The following NELFB variants were observed in gnomAD, a reference collection of about 807,000 sequenced individuals.
The protein encoded by NELFB is negative elongation factor B.
NELFB carries 34 observed loss-of-function variants against 60.2 expected under a neutral mutation model. The ratio of observed to expected loss-of-function variants is 0.56; its 90% CI spans 0.43 to 0.75. NELFB has a LOEUF of 0.75. NELFB is among the 30% of genes least tolerant of loss of function. NELFB has a pLI of 0.00. For missense variants in NELFB, 770 were observed against 831.6 expected (o/e 0.93, Z 0.91); for synonymous variants, 459 against 382.1 (o/e 1.20, Z -2.35).
At chr9:137,261,357 G>GAA (rs1830441335) in intron 4 of NELFB, among the ~76,000 whole-genome samples, 3 of 119,592 alleles carry the variant, frequency 2.5e-5, no homozygotes, top group Non-Finnish European at 3.4e-5. Flanking sequence ...AAAAAAAAAA[G>GAA]TAAAAAAAAA....
At chr9:137,272,253 C>G in intron 11 of NELFB, 31 bp downstream of exon 11, 6 of 1,611,380 alleles carry the variant, frequency 3.7e-6, no homozygotes, top group South Asian at 1.1e-5. Context: ...CCGGCCCGCT[C>G]TGTCCTCTCA....
In NELFB at chr9:137,255,549, G is replaced by A; in HGVS notation, c.184G>A (p.Glu62Lys). Reference sequence around the variant, plus strand: ...GCAGGACCTGGGCGTGGCCAACGGCGAGGACCTGAAGGAGACCCTGACCAA... The same window carrying A: ...GCAGGACCTGGGCGTGGCCAACGGCAAGGACCTGAAGGAGACCCTGACCAA... The change falls in exon 1 of 13, where the codon GAG becomes AAG. Residue 62 changes from glutamate (E) to lysine (K), a missense_variant. Glu to Lys is a moderately conservative substitution (Grantham distance 56, BLOSUM62 1). Transcript: ENST00000343053. 6.5e-7 allele frequency: 1 copy of A among 1,547,914 alleles called. No homozygotes were observed. The highest frequency in any genetic ancestry group is 8.7e-7 in the Non-Finnish European group (1 of 1,146,434).
rs1002153825 is a variant in NELFB, at chr9:137,272,714, G to A, written c.1741-68G>A. On this transcript the variant is annotated intron_variant, in intron 12 of 12. Transcript: ENST00000343053. ...TGTGGTGCTTGTGTGTGGTCGGTGG[G>A]CACCCACCCCTGTGCCCCCTGGGCC... 10 of 1,520,572 alleles carry A rather than the reference G, an allele frequency of 6.6e-6. No individual in the cohort carries two copies. In the South Asian group the frequency reaches 1.2e-4, roughly 19 times the overall value. 94.2% of individuals were successfully genotyped at this position (1,520,572 alleles called of 1,614,324 possible).
intron 8 of NELFB, 109 bp downstream of exon 8, chr9:137,266,535 C>T: frequency 1.1e-6 from 1 of 942,630 alleles, no homozygotes; most frequent in South Asian, 1.6e-5. Context: ...CCTTTGGTCC[C>T]AAAGCTTCCT....
rs1378388966 is a variant in NELFB, at chr9:137,263,227, C to G, written c.927+5C>G. 1 of 1,604,070 alleles carries G rather than the reference C, an allele frequency of 6.2e-7. No individual in the cohort carries two copies. Among genetic ancestry groups the G allele is most frequent in the Non-Finnish European group, 8.5e-7 (1 of 1,174,118 alleles). On this transcript the variant is annotated splice_donor_5th_base_variant and intron_variant, in intron 5 of 12. Coordinates refer to ENST00000343053, the MANE Select transcript of NELFB (RefSeq NM_015456.5). ...ACCGTGGACCCGTGCCACAAGGTAG[C>G]ACTGCCCTCCCTCCTTCCCCCCTAC...
intron 8 of NELFB, 106 bp from the exon 9 acceptor site, chr9:137,266,838 A>G (rs1588188896): frequency 1.6e-6 from 2 of 1,243,798 alleles, no homozygotes; most frequent in South Asian, 2.7e-5. Flanking sequence ...AGGGTCGGTG[A>G]GGTATCTGGG....
chr9:137,273,065 C>A lies in NELFB; in HGVS notation c.*137C>A. The A allele has an allele frequency of 2.1e-6, 2 of 965,664 alleles. No homozygotes were observed. The highest frequency in any genetic ancestry group is 1.7e-5 in the African/African-American group (1 of 59,710). The allele number at this position is 965,664 out of a possible 1,614,324, so 59.8% of individuals were successfully genotyped here. A position where few individuals can be genotyped will look rare whatever the true frequency, so the allele number is the denominator to read the frequency against. ...GGCTGGGCCTGTCCTGCCGTCATGG[C>A]CCCCTGCTTCCTGCTCCTTGGAGCT... On this transcript the variant is annotated 3_prime_UTR_variant, in exon 13 of 13. Transcript: ENST00000343053.
chr9:137,265,217 C>T (rs1012694246), intron 6 of NELFB, among the ~76,000 whole-genome samples: 3 of 151,184 alleles, frequency 2.0e-5, no homozygotes, highest in Non-Finnish European at 3.0e-5. Context: ...GATGGGATTT[C>T]ACCACCTCGC....
chr9:137,255,939 G>C lies in NELFB; in HGVS notation c.279G>C (p.Gln93His). ...ATGGTGTGCTGCTGCCATCTCTTCA[G>C]TCAGCCCTCCCCTTCTTGGACCTGC... Residue 93 changes from glutamine to histidine, a missense_variant, in exon 2 of 13, where the codon CAG (glutamine) becomes CAC (histidine). By Grantham distance (24) the Gln-to-His change is conservative. Coordinates refer to ENST00000343053, the MANE Select transcript of NELFB (RefSeq NM_015456.5). 6.2e-7 allele frequency: 1 copy of C among 1,614,058 alleles called. No individual in the cohort carries two copies. The highest frequency in any genetic ancestry group is 8.5e-7 in the Non-Finnish European group (1 of 1,180,014).
rs1830534866 is a variant in NELFB, at chr9:137,267,411, C to T, written c.1489+65C>T. 15 of 1,472,926 alleles carry T rather than the reference C, an allele frequency of 1.0e-5. No homozygotes were observed. In the East Asian group the frequency reaches 3.7e-4, roughly 36 times the overall value. The allele number at this position is 1,472,926 out of a possible 1,614,324, so 91.2% of individuals were successfully genotyped here. A position where few individuals can be genotyped will look rare whatever the true frequency, so the allele number is the denominator to read the frequency against. On this transcript the variant is annotated intron_variant, in intron 10 of 12. Coordinates refer to ENST00000343053, the MANE Select transcript of NELFB (RefSeq NM_015456.5). ...CGGCAGCTGCCGTATGCAGTCCTGC[C>T]CAGGGTGCGGGCCCCAGGGCCCCCA...
intron 6 of NELFB, among the ~76,000 whole-genome samples, chr9:137,265,387 C>CTTTTTTTTTTTTTTT (rs66744887): frequency 4.4e-5 from 4 of 91,840 alleles, no homozygotes; most frequent in African/African-American, 4.2e-5. Context: ...AAACCTTAAG[C>CTTTTTTTTTTTTTTT]TTTTTTTTTT....
chr9:137,271,916 C>T (rs1044828185), intron 10 of NELFB, among the ~76,000 whole-genome samples, 165 bp from the exon 11 acceptor site: 1 of 151,828 alleles, frequency 6.6e-6, no homozygotes, highest in Non-Finnish European at 1.5e-5. Context: ...GTCCACTTCC[C>T]ACCCCCCTCT....
At position 137,255,486 on chromosome 9, in the gene NELFB, CG is replaced by C; in HGVS notation, c.124del (p.Ala42ArgfsTer23). On this transcript the variant is annotated frameshift_variant, in exon 1 of 13. Coordinates refer to ENST00000343053, the MANE Select transcript of NELFB (RefSeq NM_015456.5). LOFTEE classifies it high-confidence loss of function. ...ACGGGCTGGGGATGGGGCGCCTAGCCGGGCGGTGGCCGGGGCCTCGGCCATG... is the reference window on the plus strand; with the variant it reads ...ACGGGCTGGGGATGGGGCGCCTAGCCGGCGGTGGCCGGGGCCTCGGCCATG... 5 of 1,524,840 alleles carry C rather than the reference CG, an allele frequency of 3.3e-6. No homozygotes were observed. The highest frequency in any genetic ancestry group is 3.5e-6 in the Non-Finnish European group (4 of 1,137,452). The allele number at this position is 1,524,840 out of a possible 1,614,324, so 94.5% of individuals were successfully genotyped here. A position where few individuals can be genotyped will look rare whatever the true frequency, so the allele number is the denominator to read the frequency against.
In NELFB at chr9:137,266,320, C is replaced by T. The variant is rs778267579; in HGVS notation, c.1144-11C>T. On this transcript the variant is annotated splice_polypyrimidine_tract_variant and intron_variant, in intron 7 of 12. Transcript: ENST00000343053. ...TGCCTGGGAGAGGCGCTGAGCCCGT[C>T]CTCCCTACAGGACAGCCCCGACCTC... 1 of 1,609,496 alleles carries T rather than the reference C, an allele frequency of 6.2e-7. No individual in the cohort carries two copies. Among genetic ancestry groups the T allele is most frequent in the Non-Finnish European group, 8.5e-7 (1 of 1,177,812 alleles).
rs1450597911 is a variant in NELFB at position 137,272,217 on chromosome 9, T to C, written c.1626T>C (p.Ser542=). The change falls in exon 11 of 13, where the codon TCT becomes TCC. Residue 542 remains serine (S), a synonymous_variant. Transcript: ENST00000343053. ...TCGATGGCTTCTTCCTCACCGCCTCTCCAAGGTAGGCCTGCTGGGTACCAT... is the reference window on the plus strand; with the variant it reads ...TCGATGGCTTCTTCCTCACCGCCTCCCCAAGGTAGGCCTGCTGGGTACCAT... The C allele has an allele frequency of 4.3e-6, 7 of 1,614,068 alleles. No individual in the cohort carries two copies. The South Asian group carries it at 7.7e-5, about 18-fold the overall frequency.
intron 4 of NELFB, among the ~76,000 whole-genome samples, chr9:137,259,919 A>G (rs1338497456): frequency 1.4e-5 from 2 of 146,208 alleles, no homozygotes; most frequent in Non-Finnish European, 3.0e-5. Flanking sequence ...TTTAGTAGAG[A>G]CGGGGTTTCA....
Position 137,272,805 on chromosome 9 carries a change from T to C in NELFB, c.1764T>C (p.Leu588=). 1 of 1,549,732 alleles carries C rather than the reference T, an allele frequency of 6.5e-7. No homozygotes were observed. Among genetic ancestry groups the C allele is most frequent in the South Asian group, 1.2e-5 (1 of 83,966 alleles). Residue 588 remains leucine, a synonymous_variant, in exon 13 of 13, where the codon CTT becomes CTC. Transcript: ENST00000343053. Reference sequence around the variant, plus strand: ...AGAGCGGAGAGGCAGTGAAGGAGCTTTACTCCCAGCTCGGCGAGAAGCTGG... The same window carrying C: ...AGAGCGGAGAGGCAGTGAAGGAGCTCTACTCCCAGCTCGGCGAGAAGCTGG...
intron 10 of NELFB, among the ~76,000 whole-genome samples, chr9:137,268,786 A>G (rs1216032263): frequency 9.9e-5 from 15 of 152,120 alleles, no homozygotes; most frequent in Admixed American, 9.8e-4. Context: ...ATGAGAGACA[A>G]AGATGAGAGA....
chr9:137,264,198 C>T (rs9695897), intron 5 of NELFB, 47 bp from the exon 6 acceptor site: 1,062,812 of 1,442,530 alleles, frequency 0.74, 395,123 homozygotes, highest in Admixed American at 0.8. Flanking sequence ...GGTCTCTGGT[C>T]ATCCTGGGAG....
Sources: gnomAD v4.1 joint callset for allele counts (sites outside exome capture counted in the v4.1 genomes callset) on GRCh38, gnomAD v4.1.1 for gene constraint, MANE v1.5 for transcripts, NCBI Gene and HGNC (gene_info 2026-07-23, HGNC 2026-07-21) for gene names.